The following YBX2 variants were observed in gnomAD, a reference collection of about 807,000 sequenced individuals.
The protein encoded by YBX2 is Y-box binding protein 2, also known as Y-box-binding protein 2.
YBX2 carries 5 observed loss-of-function variants against 44.4 expected under a neutral mutation model. The ratio of observed to expected loss-of-function variants is 0.11; its 90% CI spans 0.06 to 0.24. YBX2 has a LOEUF of 0.24. YBX2 is among the 10% of genes least tolerant of loss of function. The pLI is 1.00. For missense variants in YBX2, 417 were observed against 526.9 expected (o/e 0.79, Z 2.04); for synonymous variants, 188 against 216.1 (o/e 0.87, Z 1.14).
At position 7,288,837 on chromosome 17, in the gene YBX2, G is replaced by A; in HGVS notation, c.1046C>T (p.Thr349Ile). Residue 349 changes from threonine (T) to isoleucine (I), a missense_variant and splice_region_variant, in exon 8 of 9, where the codon ACC (threonine) becomes ATC (isoleucine). By Grantham distance (89) the Thr-to-Ile change is moderately conservative. This residue lies in a region of YBX2 where 257 missense variants were observed against 261.7 expected (regional missense o/e 0.98). Transcript: ENST00000007699. ...GTCCCCACTGTTGACAGGGGCTGAG[G>A]TCTAAAGAACAGCGGTGGCCAATTG... ...PGPRQPAAPE[T>I]SAPVNSGDPT... 6.2e-7 allele frequency: 1 copy of A among 1,613,958 alleles called. No individual in the cohort carries two copies. Among genetic ancestry groups the A allele is most frequent in the Non-Finnish European group, 8.5e-7 (1 of 1,179,884 alleles).
In YBX2 at chr17:7,293,826, A is replaced by G. The variant is rs949134790; in HGVS notation, c.272-288T>C. Reference sequence around the variant, plus strand: ...CCCCTTCACCTAGAACTGGGTACTCACCTGGTCTGCAAAGTGCCGCCCCCA... The same window carrying G: ...CCCCTTCACCTAGAACTGGGTACTCGCCTGGTCTGCAAAGTGCCGCCCCCA... On this transcript the variant is annotated intron_variant, in intron 1 of 8. Transcript: ENST00000007699. 3 of 579,246 alleles carry G rather than the reference A, an allele frequency of 5.2e-6. No individual in the cohort carries two copies. In the African/African-American group the frequency reaches 5.6e-5, roughly 11 times the overall value. 35.9% of individuals were successfully genotyped at this position (579,246 alleles called of 1,614,324 possible). A position where few individuals can be genotyped will look rare whatever the true frequency, so the allele number is the denominator to read the frequency against.
chr17:7,289,921 A>G (rs2072487279), intron 6 of YBX2, 47 bp downstream of exon 6: 3 of 1,610,034 alleles, frequency 1.9e-6, no homozygotes, highest in African/African-American at 1.3e-5. Context: ...TGCCCCAAGG[A>G]TCCAACACTG....
At position 7,289,972 on chromosome 17, in the gene YBX2, G is replaced by T. The variant is rs746793537; in HGVS notation, c.844C>A (p.Arg282=). The T allele has an allele frequency of 1.9e-6, 3 of 1,614,220 alleles. No individual in the cohort carries two copies. Among genetic ancestry groups the T allele is most frequent in the Non-Finnish European group, 2.5e-6 (3 of 1,180,024 alleles). Residue 282 remains arginine (R), a synonymous_variant, in exon 6 of 9, where the codon CGA becomes AGA. Transcript: ENST00000007699. ...VPPPRFRPRY[R]RPFRPRPRQQ... is the part of the protein sequence containing the mutation. ...GCCCCAGCAGGGGGGTCTTACCTTC[G>T]GTACCTGGGCCGGAATCTGGGCGGG...
chr17:7,288,552 T>G lies in YBX2; in HGVS notation c.*131A>C, dbSNP rs1292932660. On this transcript the variant is annotated 3_prime_UTR_variant, in exon 9 of 9. Coordinates refer to ENST00000007699, the MANE Select transcript of YBX2 (RefSeq NM_015982.4). ...GTCCTCCTGAGTCTCAAGGAAAAGG[T>G]GAAAAGCTGGTGTTTTGATGTCATG... 3.8e-6 allele frequency: 2 copies of G among 521,402 alleles called. No individual in the cohort carries two copies. The highest frequency in any genetic ancestry group is 7.0e-6 in the Non-Finnish European group (2 of 286,908). The allele number at this position is 521,402 out of a possible 1,614,324, so 32.3% of individuals were successfully genotyped here. A position where few individuals can be genotyped will look rare whatever the true frequency, so the allele number is the denominator to read the frequency against.
chr17:7,290,481 G>A lies in YBX2; in HGVS notation c.514C>T (p.Arg172Cys). 3 of 1,613,464 alleles carry A rather than the reference G, an allele frequency of 1.9e-6. No homozygotes were observed. The highest frequency in any genetic ancestry group is 1.1e-5 in the South Asian group (1 of 91,046). Reference sequence around the variant, plus strand: ...GACTTACGTCGGTTGGGGGCATAACGGCTGCCCTTCACGGGTACTCCCCCA... The same window carrying A: ...GACTTACGTCGGTTGGGGGCATAACAGCTGCCCTTCACGGGTACTCCCCCA... Reference protein sequence around the residue: ...GPGGVPVKGSRYAPNRRKSRR... With the variant: ...GPGGVPVKGSCYAPNRRKSRR... Residue 172 changes from arginine to cysteine, a missense_variant, in exon 5 of 9, where the codon CGT (arginine) becomes TGT (cysteine). Physicochemically the swap from Arg to Cys is radical, Grantham distance 180. Around this residue, in one of 3 missense-constraint regions of YBX2, gnomAD observed 39 missense variants for 123.8 expected, o/e 0.32. Transcript: ENST00000007699.
At position 7,288,646 on chromosome 17, in the gene YBX2, G is replaced by C; in HGVS notation, c.*40-3C>G. 2 of 974,296 alleles carry C rather than the reference G, an allele frequency of 2.1e-6. No homozygotes were observed. Among genetic ancestry groups the C allele is most frequent in the East Asian group, 5.2e-5 (2 of 38,630 alleles). The allele number at this position is 974,296 out of a possible 1,614,324, so 60.4% of individuals were successfully genotyped here. On this transcript the variant is annotated splice_polypyrimidine_tract_variant and splice_region_variant and intron_variant, in intron 8 of 8. Transcript: ENST00000007699. ...CATTTGGAAAAACTGGCAGATACCT[G>C]AGAGAGAAAAGGAAATGGACGGATT...
chr17:7,290,635 T>C, intron 4 of YBX2, 100 bp from the exon 5 acceptor site: 1 of 1,422,966 alleles, frequency 7.0e-7, no homozygotes, highest in East Asian at 2.4e-5. Flanking sequence ...CCTCTCCAGC[T>C]TTCCTTTAGC....
In YBX2 at chr17:7,294,237, C is replaced by G. The variant is rs979523196; in HGVS notation, c.264G>C (p.Pro88=). Residue 88 remains proline, a synonymous_variant, in exon 1 of 9, where the codon CCG becomes CCC. Coordinates refer to ENST00000007699, the MANE Select transcript of YBX2 (RefSeq NM_015982.4). The surrounding 1 kb of genome is among the most constrained non-coding windows in gnomAD (Gnocchi z 4.6). ...TGCGCGCCTGCCCCTCACCCAGCAC[C>G]GGCTTGTCCGCCTGACTCCGGGCCG... The part of the protein sequence containing the change: ...APPARSQADK[P]VLAIQVLGTV... 3.2e-6 allele frequency: 4 copies of G among 1,241,586 alleles called. No homozygotes were observed. Among genetic ancestry groups the G allele is most frequent in the Middle Eastern group, 3.2e-4 (1 of 3,148 alleles). 76.9% of individuals were successfully genotyped at this position (1,241,586 alleles called of 1,614,324 possible).
chr17:7,291,714 G>A lies in YBX2; in HGVS notation c.369+312C>T, dbSNP rs868118211. 2.0e-5 allele frequency: 9 copies of A among 447,356 alleles called. No individual in the cohort carries two copies. Among genetic ancestry groups the A allele is most frequent in the Middle Eastern group, 6.5e-4 (1 of 1,528 alleles). 27.7% of individuals were successfully genotyped at this position (447,356 alleles called of 1,614,324 possible). A position where few individuals can be genotyped will look rare whatever the true frequency, so the allele number is the denominator to read the frequency against. On this transcript the variant is annotated intron_variant, in intron 3 of 8. Transcript: ENST00000007699. The surrounding 1 kb of genome is among the most constrained non-coding windows in gnomAD (Gnocchi z 5.8). Reference sequence around the variant, plus strand: ...AGGTGATGCTGCTGCCGCTGGTGCAGGGGCCACGCTTTGAGAACCACTGCA... The same window carrying A: ...AGGTGATGCTGCTGCCGCTGGTGCAAGGGCCACGCTTTGAGAACCACTGCA...
At chr17:7,292,472 A>G (rs1182387017) in intron 2 of YBX2, 3 of 242,562 alleles carry the variant, frequency 1.2e-5, no homozygotes, top group Non-Finnish European at 2.5e-5. Flanking sequence ...TCTTCCTTCT[A>G]TAGTCAAGGA....
Position 7,289,995 on chromosome 17 carries a change from G to T in YBX2, c.821C>A (p.Pro274Gln). The part of the protein sequence containing the change: ...HQQQGDERVP[P>Q]PRFRPRYRRP... ...TCGGTACCTGGGCCGGAATCTGGGC[G>T]GGGGGACTCGCTCATCTCCCTGCTG... Residue 274 changes from proline to glutamine, a missense_variant, in exon 6 of 9, where the codon CCG becomes CAG. By Grantham distance (76) the Pro-to-Gln change is moderately conservative. Coordinates refer to ENST00000007699, the MANE Select transcript of YBX2 (RefSeq NM_015982.4). 1 of 1,614,238 alleles carries T rather than the reference G, an allele frequency of 6.2e-7. No individual in the cohort carries two copies. The highest frequency in any genetic ancestry group is 8.5e-7 in the Non-Finnish European group (1 of 1,180,022).
In YBX2 at chr17:7,291,877, G is replaced by A; in HGVS notation, c.369+149C>T. On this transcript the variant is annotated intron_variant, in intron 3 of 8. Transcript: ENST00000007699. The surrounding 1 kb of genome is among the most constrained non-coding windows in gnomAD (Gnocchi z 5.8). ...CGTTTAGTAACCCAGCACAAGTGCG[G>A]CTAATGGTGGTTGACACAGGCACCC... 1.0e-6 allele frequency: 1 copy of A among 964,760 alleles called. No individual in the cohort carries two copies. The highest frequency in any genetic ancestry group is 1.6e-6 in the Non-Finnish European group (1 of 608,402). The allele number at this position is 964,760 out of a possible 1,614,324, so 59.8% of individuals were successfully genotyped here. A position where few individuals can be genotyped will look rare whatever the true frequency, so the allele number is the denominator to read the frequency against.
chr17:7,290,405 G>A lies in YBX2; in HGVS notation c.590C>T (p.Ala197Val). ...TCCTGTCCCCGCCGAGGGGATCTCT[G>A]CCACCATGGGTGGTGGGGCAACTGA... Reference protein sequence around the residue: ...PPSVAPPPMVAEIPSAGTGPG... With the variant: ...PPSVAPPPMVVEIPSAGTGPG... Residue 197 changes from alanine to valine, a missense_variant, in exon 5 of 9, where the codon GCA becomes GTA. Ala to Val is a moderately conservative substitution (Grantham distance 64). Around this residue, in one of 3 missense-constraint regions of YBX2, gnomAD observed 257 missense variants for 261.7 expected, o/e 0.98. Transcript: ENST00000007699. 6.2e-7 allele frequency: 1 copy of A among 1,613,910 alleles called. No homozygotes were observed.
chr17:7,290,743 C>T (rs572709846), intron 4 of YBX2, among the ~76,000 whole-genome samples: 1 of 152,336 alleles, frequency 6.6e-6, no homozygotes, highest in Non-Finnish European at 1.5e-5. Context: ...ATTGCTACTG[C>T]ACCCTCCTGA....
Position 7,294,578 on chromosome 17 carries a change from G to A in YBX2, c.-78C>T. The A allele has an allele frequency of 1.6e-6, 2 of 1,271,692 alleles. No homozygotes were observed. The highest frequency in any genetic ancestry group is 9.9e-7 in the Non-Finnish European group (1 of 1,011,104). The allele number at this position is 1,271,692 out of a possible 1,614,324, so 78.8% of individuals were successfully genotyped here. A position where few individuals can be genotyped will look rare whatever the true frequency, so the allele number is the denominator to read the frequency against. On this transcript the variant is annotated 5_prime_UTR_variant, in exon 1 of 9. Coordinates refer to ENST00000007699, the MANE Select transcript of YBX2 (RefSeq NM_015982.4). This position sits in a 1 kb window ranked among gnomAD's most constrained non-coding sequence, Gnocchi z 4.6. ...GGCTCGCGAACCCACCGCCCTGCTC[G>A]GTCCTCGCGCCCCGAGCCTCGCCCA...
Position 7,291,165 on chromosome 17 carries a change from G to T in YBX2, c.387C>A (p.Asn129Lys), listed in dbSNP as rs1267544967. 6.2e-6 allele frequency: 10 copies of T among 1,614,008 alleles called. No homozygotes were observed. The highest frequency in any genetic ancestry group is 8.5e-6 in the Non-Finnish European group (10 of 1,180,028). The part of the protein sequence containing the change: ...VFVHQTAIKR[N>K]NPRKFLRSVG... The stretch of plus-strand genomic sequence containing the variant: ...CGCTGCGCAGAAACTTCCTGGGGTT[G>T]TTTCTTTTAATAGCTGTCTGATTGG... Residue 129 changes from asparagine (N) to lysine (K), a missense_variant, in exon 4 of 9, where the codon AAC becomes AAA. Asn to Lys is a moderately conservative substitution (Grantham distance 94). Coordinates refer to ENST00000007699, the MANE Select transcript of YBX2 (RefSeq NM_015982.4). The surrounding 1 kb of genome is among the most constrained non-coding windows in gnomAD (Gnocchi z 5.8).
chr17:7,291,627 G>A lies in YBX2; in HGVS notation c.369+399C>T. ...GAGAGCTCGTTAAACCGATTGTGGA[G>A]CCCCAGCCCCAGCTCTGATTGATTC... is the stretch of plus-strand genomic sequence containing the variant. On this transcript the variant is annotated intron_variant, in intron 3 of 8. Transcript: ENST00000007699. The surrounding 1 kb of genome is among the most constrained non-coding windows in gnomAD (Gnocchi z 5.8). 1 of 379,598 alleles carries A rather than the reference G, an allele frequency of 2.6e-6. No individual in the cohort carries two copies. The highest frequency in any genetic ancestry group is 8.6e-4 in the Middle Eastern group (1 of 1,160). The allele number at this position is 379,598 out of a possible 1,614,324, so 23.5% of individuals were successfully genotyped here.
At position 7,294,540 on chromosome 17, in the gene YBX2, G is replaced by A. The variant is rs1345905868; in HGVS notation, c.-40C>T. 2.1e-6 allele frequency: 3 copies of A among 1,409,098 alleles called. No individual in the cohort carries two copies. The highest frequency in any genetic ancestry group is 2.6e-5 in the Admixed American group (1 of 38,596). 87.3% of individuals were successfully genotyped at this position (1,409,098 alleles called of 1,614,324 possible). ...TACCGGCCACAGCCGCCACCGCCCC[G>A]GCCCCTCCCCCCGGCTCGCGAACCC... is the stretch of plus-strand genomic sequence containing the variant. On this transcript the variant is annotated 5_prime_UTR_variant, in exon 1 of 9. Transcript: ENST00000007699. This position sits in a 1 kb window ranked among gnomAD's most constrained non-coding sequence, Gnocchi z 4.6.
rs1597605344 is a variant in YBX2, at chr17:7,294,367, C to T, written c.134G>A (p.Gly45Asp). The T allele has an allele frequency of 7.1e-7, 1 of 1,400,486 alleles. No homozygotes were observed. 86.8% of individuals were successfully genotyped at this position (1,400,486 alleles called of 1,614,324 possible). A position where few individuals can be genotyped will look rare whatever the true frequency, so the allele number is the denominator to read the frequency against. ...GGGGCCCGAGGCGGCTCCGCCCCCG[C>T]CGCCCGCCCCGCCGCCTTTCTGCGG... ...GEPQKGGGAG[G>D]GGGAASGPAA... The change falls in exon 1 of 9, where the codon GGC becomes GAC. Residue 45 changes from glycine to aspartate, a missense_variant. Around this residue, in one of 3 missense-constraint regions of YBX2, gnomAD observed 121 missense variants for 141.3 expected, o/e 0.86. Coordinates refer to ENST00000007699, the MANE Select transcript of YBX2 (RefSeq NM_015982.4). The surrounding 1 kb of genome is among the most constrained non-coding windows in gnomAD (Gnocchi z 4.6).
Sources: gnomAD v4.1 joint callset for allele counts (sites outside exome capture counted in the v4.1 genomes callset) on GRCh38, gnomAD v4.1.1 for gene constraint, gnomAD v4.1.1 regional missense constraint, Gnocchi (gnomAD v3.1) non-coding constraint, MANE v1.5 for transcripts, NCBI Gene and HGNC (gene_info 2026-07-23, HGNC 2026-07-21) for gene names.